The following CCND3 variants were observed in gnomAD, a reference collection of about 807,000 sequenced individuals.
The protein encoded by CCND3 is G1/S-specific cyclin-D3.
A neutral mutation model predicts 28.7 loss-of-function variants in CCND3; 9 were observed. That is an observed-to-expected ratio of 0.31 (90% CI 0.19 to 0.55). The LOEUF (loss-of-function observed/expected upper bound fraction) is 0.55, where lower values mean the gene tolerates loss of function less well. Among genes scored for constraint, CCND3 ranks in the 20% least tolerant of loss-of-function variants. CCND3 has a pLI of 0.93. For synonymous variants in CCND3, 164 were observed against 163.9 expected (o/e 1.00, Z 0.00); for missense variants, 315 against 385.8 (o/e 0.82, Z 1.54).
At chr6:41,977,032 A>C (rs1762203827) in intron 1 of CCND3, among the ~76,000 whole-genome samples, 1 of 151,554 alleles carries the variant, frequency 6.6e-6, no homozygotes, top group Non-Finnish European at 1.5e-5. Context: ...TCTTTTACCC[A>C]CTCTCCTATC....
upstream of CCND3, among the ~76,000 whole-genome samples, chr6:41,944,278 A>G (rs1018444769): frequency 2.0e-5 from 3 of 152,168 alleles, no homozygotes; most frequent in African/African-American, 7.2e-5. Flanking sequence ...TCAAGGCTGC[A>G]GTGAACCATA....
chr6:42,012,773 C>T (rs1424943458), intron 1 of CCND3, among the ~76,000 whole-genome samples: 1 of 152,140 alleles, frequency 6.6e-6, no homozygotes, highest in Non-Finnish European at 1.5e-5. Context: ...TCTTCTCATG[C>T]ATAGTATGAC....
intron 1 of CCND3, among the ~76,000 whole-genome samples, chr6:41,962,063 C>A (rs1761732936): frequency 6.6e-6 from 1 of 152,162 alleles, no homozygotes; most frequent in South Asian, 2.1e-4. Context: ...CACCAGTTAC[C>A]ATCTCTAACC....
At chr6:41,976,012 C>T (rs1025522117) in intron 1 of CCND3, among the ~76,000 whole-genome samples, 5 of 151,936 alleles carry the variant, frequency 3.3e-5, no homozygotes, top group African/African-American at 1.2e-4. Flanking sequence ...AAGACCAAGC[C>T]TGGGCAACAT....
At chr6:42,003,529 A>C (rs1291768683) in intron 1 of CCND3, among the ~76,000 whole-genome samples, 1 of 8,778 alleles carries the variant, frequency 1.1e-4, no homozygotes, top group African/African-American at 2.2e-4. Context: ...CTGTCTCAAA[A>C]AAAAAAAAAA....
Position 41,941,294 on chromosome 6 carries a change from G to A in CCND3, c.198+158C>T, listed in dbSNP as rs1448030698. On this transcript the variant is annotated intron_variant, in intron 1 of 4. Transcript: ENST00000372991. This position sits in a 1 kb window ranked among gnomAD's most constrained non-coding sequence, Gnocchi z 6.1. ...ATTAGGGCTCGGGAAAGCAAGGGAG[G>A]CAGCTGGCGTGGGTGCCCTAGTGAA... 1 of 1,448,014 alleles carries A rather than the reference G, an allele frequency of 6.9e-7. No homozygotes were observed. The highest frequency in any genetic ancestry group is 9.1e-7 in the Non-Finnish European group (1 of 1,103,106). 89.7% of individuals were successfully genotyped at this position (1,448,014 alleles called of 1,614,324 possible).
At chr6:41,965,058 C>CTTTTTT (rs56138276) in intron 1 of CCND3, among the ~76,000 whole-genome samples, 1 of 82,092 alleles carries the variant, frequency 1.2e-5, no homozygotes, top group African/African-American at 5.4e-5. Context: ...TTTCACGTTG[C>CTTTTTT]TTTTTTTTTT....
intron 1 of CCND3, among the ~76,000 whole-genome samples, chr6:42,035,824 C>T (rs1582188011): frequency 1.3e-5 from 2 of 151,336 alleles, no homozygotes; most frequent in South Asian, 4.2e-4. Context: ...ATTACAGACA[C>T]CCGCCACAAC....
intron 1 of CCND3, among the ~76,000 whole-genome samples, chr6:41,981,170 T>C (rs1762335510): frequency 6.6e-6 from 1 of 152,152 alleles, no homozygotes; most frequent in African/African-American, 2.4e-5. Context: ...TAAGCAATTA[T>C]AGCAAGTTGC....
chr6:41,989,466 AC>A (rs756433377), intron 1 of CCND3, among the ~76,000 whole-genome samples: 19,581 of 93,862 alleles, frequency 0.21, 4,790 homozygotes, highest in Non-Finnish European at 0.29. Context: ...AAAAAAAAAA[AC>A]AAAAAAAAAA....
intron 1 of CCND3, among the ~76,000 whole-genome samples, chr6:41,990,633 A>G (rs1305860401): frequency 6.6e-6 from 1 of 151,258 alleles, no homozygotes; most frequent in Non-Finnish European, 1.5e-5. Flanking sequence ...AAACCCAGAA[A>G]TTAGTCCATG....
chr6:41,978,458 C>T (rs910155236), intron 1 of CCND3, among the ~76,000 whole-genome samples: 1 of 151,974 alleles, frequency 6.6e-6, no homozygotes, highest in Admixed American at 6.6e-5. Flanking sequence ...ATCGCTTCAA[C>T]CCAGGAGGTG....
chr6:42,005,574 T>C (rs1344648300), intron 1 of CCND3, among the ~76,000 whole-genome samples: 1 of 145,446 alleles, frequency 6.9e-6, no homozygotes, highest in African/African-American at 2.6e-5. Flanking sequence ...AAAGAATTAA[T>C]GTAGGCCAAT....
At chr6:41,982,136 G>C (rs996081405) in intron 1 of CCND3, among the ~76,000 whole-genome samples, 21 of 151,136 alleles carry the variant, frequency 1.4e-4, no homozygotes, top group Non-Finnish European at 5.9e-5. Flanking sequence ...TGGGTGTGGT[G>C]GTGGGTGCCT....
chr6:42,031,504 C>A (rs2127436792), intron 1 of CCND3: 1 of 152,252 alleles, frequency 6.6e-6, no homozygotes, highest in South Asian at 2.1e-4. Context: ...CACCTACTGT[C>A]CCCTGTGAGA....
At chr6:41,999,890 C>CTAAAA (rs1582147303) in intron 1 of CCND3, among the ~76,000 whole-genome samples, 1 of 151,956 alleles carries the variant, frequency 6.6e-6, no homozygotes, top group Non-Finnish European at 1.5e-5. Context: ...GACCCTGTCA[C>CTAAAA]TAAAATAAAA....
In CCND3 at chr6:41,936,172, G is replaced by A. The variant is rs1347563398; in HGVS notation, c.712-65C>T. The A allele has an allele frequency of 1.3e-6, 2 of 1,491,742 alleles. No homozygotes were observed. Among genetic ancestry groups the A allele is most frequent in the East Asian group, 4.5e-5 (2 of 43,976 alleles). 92.4% of individuals were successfully genotyped at this position (1,491,742 alleles called of 1,614,324 possible). On this transcript the variant is annotated intron_variant, in intron 4 of 4. Transcript: ENST00000372991. The surrounding 1 kb of genome is among the most constrained non-coding windows in gnomAD (Gnocchi z 4.4). ...CCATAGCATCTGGCAGCAGGTGCAG[G>A]GGAAGGACAGCTCCCAACACATGGG...
chr6:41,987,513 CTCTCTGTGTGTG>C (rs1490693518), intron 1 of CCND3, among the ~76,000 whole-genome samples: 70 of 41,906 alleles, frequency 1.7e-3, no homozygotes, highest in African/African-American at 3.3e-3. Context: ...CTCTCTCTCT[CTCTCTGTGTGTG>C]TGTGTGTGTG....
intron 1 of CCND3, among the ~76,000 whole-genome samples, chr6:41,958,151 C>A (rs1214897479): frequency 6.6e-6 from 1 of 151,932 alleles, no homozygotes; most frequent in Non-Finnish European, 1.5e-5. Context: ...TGCAAGCCAC[C>A]ATGCCCAGCT....
Sources: allele counts gnomAD v4.1 joint callset (sites outside exome capture counted in the v4.1 genomes callset), GRCh38; gene constraint gnomAD v4.1.1; non-coding constraint Gnocchi (gnomAD v3.1); transcripts MANE v1.5; gene names NCBI Gene and HGNC (gene_info 2026-07-23, HGNC 2026-07-21).